Variants in CDK14 observed in about 807,000 individuals in gnomAD.
The protein encoded by CDK14 is cyclin-dependent kinase 14.
Under a neutral mutation model 60.7 loss-of-function variants are expected in CDK14, and 34 were observed. The observed-to-expected ratio is 0.56, with a 90% CI of 0.43 to 0.75. CDK14 has a LOEUF of 0.75. CDK14 is among the 30% of genes least tolerant of loss of function. The pLI is 0.00. For synonymous variants in CDK14, 197 were observed against 203.7 expected (o/e 0.97, Z 0.28); for missense variants, 482 against 564.1 (o/e 0.85, Z 1.47).
intron 14 of CDK14, among the ~76,000 whole-genome samples, chr7:91,175,166 G>A (rs1584169155): frequency 6.6e-6 from 1 of 151,526 alleles, no homozygotes; most frequent in East Asian, 2.0e-4. Context: ...CATTCTTAAA[G>A]AAAAGAATTT....
chr7:90,827,672 G>T (rs1789773550), intron 5 of CDK14, among the ~76,000 whole-genome samples: 1 of 152,098 alleles, frequency 6.6e-6, no homozygotes. Flanking sequence ...TTTTCTTCTT[G>T]GTTACATTTC....
chr7:91,077,545 A>C (rs970532758), intron 11 of CDK14, among the ~76,000 whole-genome samples: 4 of 152,080 alleles, frequency 2.6e-5, no homozygotes, highest in East Asian at 3.9e-4. Context: ...TAATGCATGC[A>C]GGGCTTAAAA....
chr7:91,106,524 A>G (rs1019304345), intron 12 of CDK14, among the ~76,000 whole-genome samples: 1 of 152,194 alleles, frequency 6.6e-6, no homozygotes, highest in Non-Finnish European at 1.5e-5. Flanking sequence ...AATAACAGTA[A>G]CAGTAATAAT....
chr7:90,812,890 T>G (rs1388283798), intron 5 of CDK14, among the ~76,000 whole-genome samples: 1 of 152,198 alleles, frequency 6.6e-6, no homozygotes, highest in Non-Finnish European at 1.5e-5. Flanking sequence ...AATTATCATA[T>G]GACCCAGTGA....
chr7:90,945,406 T>C (rs1296752925), intron 8 of CDK14, among the ~76,000 whole-genome samples: 3 of 152,216 alleles, frequency 2.0e-5, no homozygotes, highest in African/African-American at 7.2e-5. Flanking sequence ...ATGAAGGGAC[T>C]GTTTATGAAA....
At chr7:90,794,534 G>T (rs2116980444) in intron 5 of CDK14, among the ~76,000 whole-genome samples, 1 of 152,264 alleles carries the variant, frequency 6.6e-6, no homozygotes, top group South Asian at 2.1e-4. Context: ...CTGAGAAAAA[G>T]AATTCAGCGA....
chr7:90,923,307 C>T (rs1301055789), intron 8 of CDK14, among the ~76,000 whole-genome samples: 1 of 152,054 alleles, frequency 6.6e-6, no homozygotes, highest in Non-Finnish European at 1.5e-5. Context: ...GACAGGGTTT[C>T]ACCGTGTTAG....
chr7:91,031,450 A>G (rs1283404356), intron 10 of CDK14, among the ~76,000 whole-genome samples: 1 of 152,188 alleles, frequency 6.6e-6, no homozygotes, highest in Non-Finnish European at 1.5e-5. Context: ...ACAGCATTAT[A>G]TCTTGTATGT....
chr7:91,060,165 G>T (rs1431249033), intron 11 of CDK14, among the ~76,000 whole-genome samples: 1 of 150,130 alleles, frequency 6.7e-6, no homozygotes, highest in Non-Finnish European at 1.5e-5. Context: ...TAATGGCCTT[G>T]TCTCTTTTGA....
At chr7:91,148,223 T>A (rs1279035019) in intron 14 of CDK14, among the ~76,000 whole-genome samples, 1 of 151,830 alleles carries the variant, frequency 6.6e-6, no homozygotes, top group East Asian at 1.9e-4. Context: ...ACAAAAAAAT[T>A]TTAAAAATTA....
At chr7:90,981,985 C>T (rs1795240473) in intron 9 of CDK14, among the ~76,000 whole-genome samples, 1 of 152,160 alleles carries the variant, frequency 6.6e-6, no homozygotes, top group Admixed American at 6.5e-5. Context: ...CATACTGCCC[C>T]ATTCTCCAGA....
intron 11 of CDK14, among the ~76,000 whole-genome samples, chr7:91,062,182 C>G (rs945989843): frequency 1.3e-5 from 2 of 152,144 alleles, no homozygotes; most frequent in Admixed American, 1.3e-4. Flanking sequence ...GCTCCATGGG[C>G]TTAGGACCCT....
chr7:90,596,396 C>T lies in CDK14; in HGVS notation c.-232C>T, dbSNP rs965683387. 5 of 243,068 alleles carry T rather than the reference C, an allele frequency of 2.1e-5. No individual in the cohort carries two copies. Among genetic ancestry groups the T allele is most frequent in the African/African-American group, 1.1e-4 (5 of 43,592 alleles). The allele number at this position is 243,068 out of a possible 1,614,324, so 15.1% of individuals were successfully genotyped here. A position where few individuals can be genotyped will look rare whatever the true frequency, so the allele number is the denominator to read the frequency against. On this transcript the variant is annotated 5_prime_UTR_variant, in exon 1 of 15. Coordinates refer to ENST00000380050, the MANE Select transcript of CDK14 (RefSeq NM_001287135.2). ...ACGGCGGCGGCGAGCGCGGCCGCCCCCGGCACCACGTAAACCGCCCCCGCC... is the reference window on the plus strand; with the variant it reads ...ACGGCGGCGGCGAGCGCGGCCGCCCTCGGCACCACGTAAACCGCCCCCGCC...
At chr7:91,187,133 G>GATAAT (rs1306701109) in intron 14 of CDK14, among the ~76,000 whole-genome samples, 1 of 152,212 alleles carries the variant, frequency 6.6e-6, no homozygotes, top group Non-Finnish European at 1.5e-5. Flanking sequence ...CTTTGTGCTT[G>GATAAT]TAATAAGGTA....
At chr7:90,800,603 T>C (rs1360695758) in intron 5 of CDK14, among the ~76,000 whole-genome samples, 2 of 152,224 alleles carry the variant, frequency 1.3e-5, no homozygotes, top group African/African-American at 4.8e-5. Context: ...TCCTTGTAAC[T>C]GTATGGTACA....
intron 10 of CDK14, among the ~76,000 whole-genome samples, chr7:90,989,842 T>C (rs959929583): frequency 9.2e-5 from 14 of 152,194 alleles, no homozygotes; most frequent in Admixed American, 3.9e-4. Flanking sequence ...TAACCATTTT[T>C]AATTTTTTTA....
intron 5 of CDK14, among the ~76,000 whole-genome samples, chr7:90,810,906 C>G (rs1376777970): frequency 6.6e-6 from 1 of 151,962 alleles, no homozygotes; most frequent in Non-Finnish European, 1.5e-5. Context: ...ATCCAACTTA[C>G]AAGGGACGTG....
intron 10 of CDK14, among the ~76,000 whole-genome samples, chr7:91,014,293 T>C (rs970231133): frequency 7.9e-5 from 12 of 152,192 alleles, no homozygotes; most frequent in African/African-American, 2.9e-4. Flanking sequence ...CCCCTTGCTT[T>C]CTCAAATTAG....
chr7:91,037,513 G>A (rs746842236), intron 10 of CDK14, among the ~76,000 whole-genome samples: 1 of 152,156 alleles, frequency 6.6e-6, no homozygotes, highest in Non-Finnish European at 1.5e-5. Context: ...GGTGTGGTCA[G>A]GTGGATATGA....
Sources: allele counts gnomAD v4.1 joint callset (sites outside exome capture counted in the v4.1 genomes callset), GRCh38; gene constraint gnomAD v4.1.1; transcripts MANE v1.5; gene names NCBI Gene and HGNC (gene_info 2026-07-23, HGNC 2026-07-21).